Variants in PCNX2 observed in about 807,000 individuals in gnomAD.
The protein encoded by PCNX2 is pecanex 2.
Under a neutral mutation model 223.8 loss-of-function variants are expected in PCNX2, and 168 were observed. That is an observed-to-expected ratio of 0.75 (90% CI 0.66 to 0.85). PCNX2 has a LOEUF of 0.85. PCNX2 is among the 40% of genes least tolerant of loss of function. The probability of loss-of-function intolerance (pLI) is 0.00; values close to 1 mark genes in which losing one functional copy is unlikely to be tolerated. For missense variants in PCNX2, 2,507 were observed against 2,675.5 expected (o/e 0.94, Z 1.39); for synonymous variants, 1,006 against 1,052.6 (o/e 0.96, Z 0.86).
intron 25 of PCNX2, among the ~76,000 whole-genome samples, chr1:233,052,769 T>A (rs968958757): frequency 2.0e-5 from 3 of 152,194 alleles, no homozygotes; most frequent in Non-Finnish European, 2.9e-5. Flanking sequence ...AGAGACTGTA[T>A]GTACTAGCTA....
chr1:233,104,434 C>A (rs1267575070), intron 21 of PCNX2, among the ~76,000 whole-genome samples: 1 of 151,820 alleles, frequency 6.6e-6, no homozygotes, highest in Non-Finnish European at 1.5e-5. Flanking sequence ...CATAGCAGTA[C>A]ATAATGATGA....
intron 1 of PCNX2, among the ~76,000 whole-genome samples, chr1:233,273,996 T>A (rs945343753): frequency 6.6e-6 from 1 of 152,230 alleles, no homozygotes; most frequent in Admixed American, 6.5e-5. Context: ...ATTGTTTTAA[T>A]ACTACTAGGA....
chr1:232,999,685 C>T (rs892001496), intron 30 of PCNX2: 2 of 294,446 alleles, frequency 6.8e-6, no homozygotes, highest in African/African-American at 2.2e-5. Context: ...AACTCTTGAC[C>T]TCAGGTGATC....
At chr1:233,245,652 AC>A (rs1659065203) in intron 8 of PCNX2, among the ~76,000 whole-genome samples, 1 of 152,206 alleles carries the variant, frequency 6.6e-6, no homozygotes, top group Non-Finnish European at 1.5e-5. Flanking sequence ...GTGGTGACTC[AC>A]GCCTGCAATC....
At position 233,118,490 on chromosome 1, in the gene PCNX2, A is replaced by T. The variant is rs1675556547; in HGVS notation, c.3837+16523T>A. Among the ~76,000 whole-genome samples the T allele has an allele frequency of 4.7e-5, 3 of 63,678 alleles. No homozygotes were observed. In the South Asian group the frequency reaches 2.2e-3, roughly 46 times the overall value. 41.8% of individuals were successfully genotyped at this position (63,678 alleles called of 152,430 possible). A position where few individuals can be genotyped will look rare whatever the true frequency, so the allele number is the denominator to read the frequency against. The stretch of plus-strand genomic sequence containing the variant: ...CTACATAGAAAATCTCAAGGCACCT[A>T]CAAAAAAAAAAAAAAAAAAAACCCT... On this transcript the variant is annotated intron_variant, in intron 21 of 33. Transcript: ENST00000258229.
chr1:232,989,558 C>T (rs2102779327), intron 32 of PCNX2, among the ~76,000 whole-genome samples: 1 of 152,322 alleles, frequency 6.6e-6, no homozygotes, highest in Non-Finnish European at 1.5e-5. Flanking sequence ...AACCACCTCT[C>T]CAATGGCACT....
At chr1:233,176,808 T>C (rs1449268829) in intron 17 of PCNX2, among the ~76,000 whole-genome samples, 1 of 152,116 alleles carries the variant, frequency 6.6e-6, no homozygotes, top group Non-Finnish European at 1.5e-5. Context: ...GGTCAGGAGA[T>C]CGAGACCATC....
At chr1:233,267,387 C>T (rs1660398512) in intron 1 of PCNX2, among the ~76,000 whole-genome samples, 1 of 152,028 alleles carries the variant, frequency 6.6e-6, no homozygotes, top group Admixed American at 6.6e-5. Context: ...CAAAATTTAC[C>T]ATCGTAACCA....
chr1:233,239,125 C>A (rs549719586), intron 8 of PCNX2, among the ~76,000 whole-genome samples: 1 of 152,140 alleles, frequency 6.6e-6, no homozygotes, highest in African/African-American at 2.4e-5. Flanking sequence ...CAGAACTTCA[C>A]TACAAACAAA....
intron 1 of PCNX2, chr1:233,288,802 C>T (rs61823946): frequency 4.6e-6 from 3 of 654,614 alleles, no homozygotes; most frequent in African/African-American, 2.4e-5. Flanking sequence ...AGGAAAGATG[C>T]CCTTTTTTTT....
chr1:233,236,852 G>A lies in PCNX2; in HGVS notation c.2351C>T (p.Thr784Ile). ...ATTCTGGAATGTACGTACCCGTGGG[G>A]TTTCCGACTGGGTCCTGCGAGCCAC... ...LMVARRTQSETPRHVSQDLEA... is the reference protein window; with the variant it reads ...LMVARRTQSEIPRHVSQDLEA... The change falls in exon 9 of 34, where the codon ACC becomes ATC. Residue 784 changes from threonine to isoleucine, a missense_variant. Coordinates refer to ENST00000258229, the MANE Select transcript of PCNX2 (RefSeq NM_014801.4). The A allele has an allele frequency of 6.2e-7, 1 of 1,613,760 alleles. No individual in the cohort carries two copies. Among genetic ancestry groups the A allele is most frequent in the Non-Finnish European group, 8.5e-7 (1 of 1,179,836 alleles).
At chr1:233,061,314 G>C (rs930699229) in intron 23 of PCNX2, among the ~76,000 whole-genome samples, 2 of 152,196 alleles carry the variant, frequency 1.3e-5, no homozygotes, top group Non-Finnish European at 2.9e-5. Context: ...GGTACAGCTA[G>C]GTTTGTTTTT....
chr1:232,985,637 C>T, intron 33 of PCNX2: 1 of 348,144 alleles, frequency 2.9e-6, no homozygotes, highest in Non-Finnish European at 5.2e-6. Flanking sequence ...TACCTAAAAG[C>T]AGTGGGCCAT....
chr1:233,177,419 C>T (rs7529263), intron 17 of PCNX2, among the ~76,000 whole-genome samples: 44,534 of 152,048 alleles, frequency 0.29, 7,375 homozygotes, highest in East Asian at 0.57. Flanking sequence ...GAATGTGAGG[C>T]CCCATTCCAG....
At chr1:233,255,618 AG>A (rs1659693833) in intron 5 of PCNX2, among the ~76,000 whole-genome samples, 1 of 152,202 alleles carries the variant, frequency 6.6e-6, no homozygotes, top group African/African-American at 2.4e-5. Flanking sequence ...CTTGAATTCT[AG>A]GATATTTCTG....
chr1:233,016,015 A>G (rs1670644443), intron 27 of PCNX2, among the ~76,000 whole-genome samples: 1 of 152,252 alleles, frequency 6.6e-6, no homozygotes, highest in Non-Finnish European at 1.5e-5. Context: ...CAGAGCCATC[A>G]TGGAGCTACA....
chr1:233,118,101 G>A (rs545715868), intron 21 of PCNX2, among the ~76,000 whole-genome samples: 3 of 151,994 alleles, frequency 2.0e-5, no homozygotes, highest in Admixed American at 6.5e-5. Flanking sequence ...ATCAATCAAT[G>A]TAATCCACTT....
In PCNX2 at chr1:233,233,284, T is replaced by C. The variant is rs111674398; in HGVS notation, c.2358+3561A>G. Among the ~76,000 whole-genome samples the C allele has an allele frequency of 4.2e-3, 640 of 152,292 alleles. 3 individuals are homozygous for C. Among genetic ancestry groups the C allele is most frequent in the African/African-American group, 0.015 (604 of 41,572 alleles). On this transcript the variant is annotated intron_variant, in intron 9 of 33. Transcript: ENST00000258229. ...CATGCAACATTTTTAATTGGTAATA[T>C]TCAAAACCCCTGAATGCCAATCTTG...
chr1:233,167,788 T>C (rs1678888483), intron 17 of PCNX2: 2 of 984,330 alleles, frequency 2.0e-6, no homozygotes, highest in Non-Finnish European at 2.4e-6. Context: ...AAGCAGCCTT[T>C]AATAAGCTCT....
Sources: allele counts gnomAD v4.1 joint callset (sites outside exome capture counted in the v4.1 genomes callset), GRCh38; gene constraint gnomAD v4.1.1; transcripts MANE v1.5; gene names NCBI Gene and HGNC (gene_info 2026-07-23, HGNC 2026-07-21).